The following RAVER1 variants were observed in gnomAD, a reference collection of about 807,000 sequenced individuals.
RAVER1 encodes the protein ribonucleoprotein PTB-binding 1.
In RAVER1, 36 loss-of-function variants were observed where a neutral mutation model predicts 68.4. The observed-to-expected ratio is 0.53, with a 90% CI of 0.40 to 0.70. The LOEUF (loss-of-function observed/expected upper bound fraction) is 0.70, where lower values mean the gene tolerates loss of function less well. RAVER1 is among the 30% of genes least tolerant of loss of function. The pLI, the probability that RAVER1 is intolerant of heterozygous loss-of-function variation, is 0.00. For missense variants in RAVER1, 933 were observed against 1,019.8 expected, an observed-to-expected ratio of 0.91 and a Z score of 1.16; for synonymous variants, 469 against 472.7, an observed-to-expected ratio of 0.99 and a Z score of 0.10.
chr19:10,318,508 G>T (rs192900002), intron 10 of RAVER1, 136 bp from the exon 11 acceptor site: 3 of 632,772 alleles, frequency 4.7e-6, no homozygotes, highest in Non-Finnish European at 5.4e-6. Context: ...ACAGGCATGC[G>T]CCACCATGCC....
chr19:10,321,629 A>G lies in RAVER1; in HGVS notation c.1174-11T>C. 2 of 1,412,488 alleles carry G rather than the reference A, an allele frequency of 1.4e-6. No homozygotes were observed. Among genetic ancestry groups the G allele is most frequent in the Non-Finnish European group, 9.3e-7 (1 of 1,078,174 alleles). 87.5% of individuals were successfully genotyped at this position (1,412,488 alleles called of 1,614,324 possible). ...CAGGATGCCGGGCTTCTAGGGACAGAGCACAGACAGTTGCAGATGGGGGCA... is the reference window on the plus strand; with the variant it reads ...CAGGATGCCGGGCTTCTAGGGACAGGGCACAGACAGTTGCAGATGGGGGCA... On this transcript the variant is annotated splice_polypyrimidine_tract_variant and intron_variant, in intron 6 of 12. Transcript: ENST00000617231.
intron 6 of RAVER1, 40 bp from the exon 7 acceptor site, chr19:10,321,658 T>G (rs12983649): frequency 0.16 from 213,496 of 1,375,756 alleles, 18,075 homozygotes; most frequent in Admixed American, 0.33. Flanking sequence ...GGGGGCAGGG[T>G]GGCCCAGGGA....
In RAVER1 at chr19:10,323,044, C is replaced by T. The variant is rs2145072967; in HGVS notation, c.1078+101G>A. ...CTCCCCCTCGGCCCTACTCCTGGGGCTCCTGTCACTGCAGCCAAGATGAGC... is the reference window on the plus strand; with the variant it reads ...CTCCCCCTCGGCCCTACTCCTGGGGTTCCTGTCACTGCAGCCAAGATGAGC... On this transcript the variant is annotated intron_variant, in intron 5 of 12. Coordinates refer to ENST00000617231, the MANE Select transcript of RAVER1 (RefSeq NM_133452.3). This position sits in a 1 kb window ranked among gnomAD's most constrained non-coding sequence, Gnocchi z 6.2. The T allele has an allele frequency of 2.9e-6, 3 of 1,019,390 alleles. No individual in the cohort carries two copies. In the South Asian group the frequency reaches 5.2e-5, roughly 18 times the overall value. The allele number at this position is 1,019,390 out of a possible 1,614,324, so 63.1% of individuals were successfully genotyped here.
chr19:10,318,873 A>T (rs941662641), intron 10 of RAVER1, among the ~76,000 whole-genome samples: 2 of 152,112 alleles, frequency 1.3e-5, no homozygotes, highest in Non-Finnish European at 2.9e-5. Flanking sequence ...TGCCCCATAG[A>T]GTGGCAAGAA....
intron 3 of RAVER1, among the ~76,000 whole-genome samples, chr19:10,324,393 G>T (rs2040461059): frequency 6.6e-6 from 1 of 151,654 alleles, no homozygotes; most frequent in African/African-American, 2.4e-5. Flanking sequence ...GTTTTGTTTT[G>T]TTTTTTTTGA....
In RAVER1 at chr19:10,317,919, G is replaced by A; in HGVS notation, c.1990-146C>T. The A allele has an allele frequency of 1.5e-6, 1 of 665,182 alleles. No homozygotes were observed. Among genetic ancestry groups the A allele is most frequent in the Non-Finnish European group, 2.7e-6 (1 of 370,046 alleles). 41.2% of individuals were successfully genotyped at this position (665,182 alleles called of 1,614,324 possible). ...TGCTTCTGCTACTTTCTAGCTATAA[G>A]ACCTAGGGCCAATTGCTCCATTTTA... is the stretch of plus-strand genomic sequence containing the variant. On this transcript the variant is annotated intron_variant, in intron 11 of 12. Coordinates refer to ENST00000617231, the MANE Select transcript of RAVER1 (RefSeq NM_133452.3). The surrounding 1 kb of genome is among the most constrained non-coding windows in gnomAD (Gnocchi z 4.3).
At position 10,320,677 on chromosome 19, in the gene RAVER1, C is replaced by T; in HGVS notation, c.1748G>A (p.Ser583Asn). Residue 583 changes from serine to asparagine, a missense_variant, in exon 9 of 13, where the codon AGC (serine) becomes AAC (asparagine). By Grantham distance (46) the Ser-to-Asn change is conservative. Coordinates refer to ENST00000617231, the MANE Select transcript of RAVER1 (RefSeq NM_133452.3). ...CACCGAGGGGTAGTCGAAGCTGTAG[C>T]TGTCAGACAGTCCTGGTTCGGGGGG... Reference protein sequence around the residue: ...RLPPEPGLSDSYSFDYPSDMG... With the variant: ...RLPPEPGLSDNYSFDYPSDMG... The T allele has an allele frequency of 1.9e-6, 3 of 1,556,360 alleles. No homozygotes were observed. The highest frequency in any genetic ancestry group is 2.6e-6 in the Non-Finnish European group (3 of 1,155,284).
rs947204265 is a variant in RAVER1 at position 10,333,227 on chromosome 19, T to G, written c.219+62A>C. Reference sequence around the variant, plus strand: ...CACCTCAGCGTTGGTGTCGCCCGGTTCCCCCCGCGCACGCGCACCGTGGTA... The same window carrying G: ...CACCTCAGCGTTGGTGTCGCCCGGTGCCCCCCGCGCACGCGCACCGTGGTA... On this transcript the variant is annotated intron_variant, in intron 1 of 12. Transcript: ENST00000617231. The surrounding 1 kb of genome is among the most constrained non-coding windows in gnomAD (Gnocchi z 4.2). 1.3e-6 allele frequency: 2 copies of G among 1,493,960 alleles called. No homozygotes were observed. The highest frequency in any genetic ancestry group is 9.1e-7 in the Non-Finnish European group (1 of 1,101,440). 92.5% of individuals were successfully genotyped at this position (1,493,960 alleles called of 1,614,324 possible). A position where few individuals can be genotyped will look rare whatever the true frequency, so the allele number is the denominator to read the frequency against.
chr19:10,325,142 T>A (rs1423736594), intron 3 of RAVER1, among the ~76,000 whole-genome samples: 3 of 152,166 alleles, frequency 2.0e-5, no homozygotes, highest in African/African-American at 7.2e-5. Context: ...TGCCTCAGCT[T>A]CCCGAGTAGC....
chr19:10,333,509 T>C lies in RAVER1; in HGVS notation c.-2A>G. On this transcript the variant is annotated 5_prime_UTR_variant, in exon 1 of 13. Coordinates refer to ENST00000617231, the MANE Select transcript of RAVER1 (RefSeq NM_133452.3). The surrounding 1 kb of genome is among the most constrained non-coding windows in gnomAD (Gnocchi z 4.2). ...AGTAACGGACACGTCCGCCGCCATC[T>C]TGGGAAACCCGGCGCCTTCTGGGAC... The C allele has an allele frequency of 1.3e-6, 2 of 1,596,272 alleles. No homozygotes were observed. Among genetic ancestry groups the C allele is most frequent in the Non-Finnish European group, 1.7e-6 (2 of 1,171,902 alleles).
chr19:10,332,557 G>A (rs1245989314), intron 1 of RAVER1, among the ~76,000 whole-genome samples: 1 of 152,212 alleles, frequency 6.6e-6, no homozygotes, highest in African/African-American at 2.4e-5. Flanking sequence ...CTCAGCAGCA[G>A]GAAGCGAGAA....
In RAVER1 at chr19:10,322,541, CA is replaced by C; in HGVS notation, c.1173+103del. On this transcript the variant is annotated intron_variant, in intron 6 of 12. Coordinates refer to ENST00000617231, the MANE Select transcript of RAVER1 (RefSeq NM_133452.3). The surrounding 1 kb of genome is among the most constrained non-coding windows in gnomAD (Gnocchi z 4.3). ...CGCCCTCACCCTGGTTCTGCGCCCC[CA>C]GGGCACAGCCAGAGGTCCCCCCACC... is the stretch of plus-strand genomic sequence containing the variant. 2 of 832,354 alleles carry C rather than the reference CA, an allele frequency of 2.4e-6. No individual in the cohort carries two copies. Among genetic ancestry groups the C allele is most frequent in the Non-Finnish European group, 3.7e-6 (2 of 546,324 alleles). 51.6% of individuals were successfully genotyped at this position (832,354 alleles called of 1,614,324 possible). A position where few individuals can be genotyped will look rare whatever the true frequency, so the allele number is the denominator to read the frequency against.
chr19:10,317,640 T>C lies in RAVER1; in HGVS notation c.2074-40A>G. ...CAGGGCGGGGCGGGTCAGGGGCCGC[T>C]GGGGGGCCGGGGCTTCCCAGCCCTG... On this transcript the variant is annotated intron_variant, in intron 12 of 12. Transcript: ENST00000617231. This position sits in a 1 kb window ranked among gnomAD's most constrained non-coding sequence, Gnocchi z 4.3. The C allele has an allele frequency of 3.9e-6, 6 of 1,542,106 alleles. No individual in the cohort carries two copies. Among genetic ancestry groups the C allele is most frequent in the Non-Finnish European group, 5.3e-6 (6 of 1,135,350 alleles).
chr19:10,318,469 C>T (rs890001785), intron 10 of RAVER1, 97 bp from the exon 11 acceptor site: 1 of 899,368 alleles, frequency 1.1e-6, no homozygotes, highest in African/African-American at 1.8e-5. Flanking sequence ...AGCGATTCTC[C>T]TGCCTCAGCC....
chr19:10,317,768 G>A lies in RAVER1; in HGVS notation c.1995C>T (p.Ile665=), dbSNP rs370172423. The A allele has an allele frequency of 3.6e-4, 566 of 1,576,296 alleles. 1 individual carries two copies. The highest frequency in any genetic ancestry group is 3.4e-3 in the East Asian group (150 of 43,894). The change falls in exon 12 of 13, where the codon ATC becomes ATT. Residue 665 remains isoleucine, a synonymous_variant. Transcript: ENST00000617231. This position sits in a 1 kb window ranked among gnomAD's most constrained non-coding sequence, Gnocchi z 4.3. ...GLKQSHLSKA[I]GSSPLGSGEG... ...CTCCGGACCCCAGCGGGGAAGAGCC[G>A]ATTGCCTGGGAGAAATGGAGAGGTG... is the stretch of plus-strand genomic sequence containing the variant.
At chr19:10,321,985 A>C in intron 6 of RAVER1, 2 of 176,240 alleles carry the variant, frequency 1.1e-5, no homozygotes, top group Non-Finnish European at 2.4e-5. Context: ...CTGACTTAGA[A>C]TCCAGGGAAC....
rs1334645135 is a variant in RAVER1, at chr19:10,329,690, C to T, written c.287-579G>A. 6.6e-6 allele frequency among the ~76,000 whole-genome samples: 1 copy of T among 152,148 alleles called. No individual in the cohort carries two copies. The highest frequency in any genetic ancestry group is 1.5e-5 in the Non-Finnish European group (1 of 68,020). ...TGCCCCTGAACCCTGCTGCCACGTG[C>T]TGCCCCAGATTTGCGATCCACCCAG... On this transcript the variant is annotated intron_variant, in intron 2 of 12. Transcript: ENST00000617231. The surrounding 1 kb of genome is among the most constrained non-coding windows in gnomAD (Gnocchi z 4.6).
chr19:10,333,495 C>T lies in RAVER1; in HGVS notation c.13G>A (p.Val5Met), dbSNP rs750939386. 1 of 1,599,560 alleles carries T rather than the reference C, an allele frequency of 6.3e-7. No homozygotes were observed. Among genetic ancestry groups the T allele is most frequent in the South Asian group, 1.1e-5 (1 of 90,866 alleles). MAADVSVTHRPPLSP... is the reference protein window; with the variant it reads MAADMSVTHRPPLSP... The stretch of plus-strand genomic sequence containing the variant: ...AGCGGGGGCCGGTGAGTAACGGACA[C>T]GTCCGCCGCCATCTTGGGAAACCCG... Residue 5 changes from valine to methionine, a missense_variant, in exon 1 of 13, where the codon GTG becomes ATG. Coordinates refer to ENST00000617231, the MANE Select transcript of RAVER1 (RefSeq NM_133452.3). This position sits in a 1 kb window ranked among gnomAD's most constrained non-coding sequence, Gnocchi z 4.2.
At chr19:10,325,346 TC>T (rs201388036) in intron 3 of RAVER1, among the ~76,000 whole-genome samples, 5,474 of 152,126 alleles carry the variant, frequency 0.036, 119 homozygotes, top group Middle Eastern at 0.071. Context: ...TGCCTCAGCC[TC>T]CCAAATAGCT....
Sources: allele counts gnomAD v4.1 joint callset (sites outside exome capture counted in the v4.1 genomes callset), GRCh38; gene constraint gnomAD v4.1.1; non-coding constraint Gnocchi (gnomAD v3.1); transcripts MANE v1.5; gene names NCBI Gene and HGNC (gene_info 2026-07-23, HGNC 2026-07-21).